PSMA3: variants seen among roughly 807,000 people sequenced by gnomAD.
The protein encoded by PSMA3 is proteasome subunit alpha type-3.
Under a neutral mutation model 40.0 loss-of-function variants are expected in PSMA3, and 8 were observed. That is an observed-to-expected ratio of 0.20 (90% CI 0.12 to 0.36). PSMA3 has a LOEUF of 0.36. Ranked by LOEUF, PSMA3 falls within the 10% of genes least tolerant of loss-of-function variation. The pLI, the probability that PSMA3 is intolerant of heterozygous loss-of-function variation, is 1.00. For synonymous variants in PSMA3, 110 were observed against 100.0 expected (o/e 1.10, Z -0.59); for missense variants, 219 against 310.6 (o/e 0.70, Z 2.22).
Position 58,247,782 on chromosome 14 carries a change from C to G in PSMA3, c.54C>G (p.Asp18Glu). The G allele has an allele frequency of 1.2e-6, 2 of 1,608,818 alleles. No homozygotes were observed. Among genetic ancestry groups the G allele is most frequent in the Non-Finnish European group, 1.7e-6 (2 of 1,175,790 alleles). The change falls in exon 2 of 11, where the codon GAC becomes GAG. Residue 18 changes from aspartate (D) to glutamate (E), a missense_variant. Coordinates refer to ENST00000216455, the MANE Select transcript of PSMA3 (RefSeq NM_002788.4). ...YDLSASTFSP[D>E]GRVFQVEYAM... ...TGTCAGCCTCTACATTCTCTCCTGA[C>G]GGAAGAGTTTTTCAAGTTGAATATG...
intron 8 of PSMA3, chr14:58,269,656 A>AT (rs1386514948): frequency 1.3e-5 from 2 of 151,026 alleles, no homozygotes; most frequent in Non-Finnish European, 3.0e-5. Context: ...ATGGTCTCGA[A>AT]CTCCTGACCT....
chr14:58,271,032 G>T (rs751160687), intron 10 of PSMA3, 34 bp downstream of exon 10: 1 of 1,516,138 alleles, frequency 6.6e-7, no homozygotes, highest in Non-Finnish European at 9.1e-7. Flanking sequence ...TCTTGGCCAG[G>T]TACAGTCAGG....
intron 2 of PSMA3, among the ~76,000 whole-genome samples, chr14:58,251,176 CTA>C (rs1344726194): frequency 9.2e-5 from 14 of 152,292 alleles, no homozygotes; most frequent in African/African-American, 3.4e-4. Context: ...TATTTTGTCT[CTA>C]TTGTTTCCGA....
intron 5 of PSMA3, among the ~76,000 whole-genome samples, chr14:58,260,108 G>A (rs1890239246): frequency 6.6e-6 from 1 of 152,128 alleles, no homozygotes; most frequent in South Asian, 2.1e-4. Context: ...CTACTCTAAG[G>A]CAAATATAGT....
intron 6 of PSMA3, among the ~76,000 whole-genome samples, 186 bp downstream of exon 6, chr14:58,261,206 A>G (rs1174956884): frequency 6.7e-6 from 1 of 148,818 alleles, no homozygotes; most frequent in East Asian, 1.9e-4. Flanking sequence ...TTTTGGGGGA[A>G]CAGGGTCTCA....
intron 8 of PSMA3, among the ~76,000 whole-genome samples, chr14:58,269,353 A>C (rs972684080): frequency 3.3e-5 from 5 of 152,202 alleles, no homozygotes; most frequent in African/African-American, 1.2e-4. Context: ...TATAAAATGG[A>C]CAAGGAGCTT....
At position 58,247,823 on chromosome 14, in the gene PSMA3, A is replaced by C; in HGVS notation, c.95A>C (p.Glu32Ala). Residue 32 changes from glutamate (E) to alanine (A), a missense_variant, in exon 2 of 11, where the codon GAA becomes GCA. Transcript: ENST00000216455. The stretch of plus-strand genomic sequence containing the variant: ...GTTGAATATGCTATGAAGGCTGTGG[A>C]AAATAGTAGGTAAGAAACATTTAAC... ...FQVEYAMKAVENSSTAIGIRC... is the reference protein window; with the variant it reads ...FQVEYAMKAVANSSTAIGIRC... 6.3e-7 allele frequency: 1 copy of C among 1,590,182 alleles called. No homozygotes were observed. Among genetic ancestry groups the C allele is most frequent in the Non-Finnish European group, 8.6e-7 (1 of 1,160,550 alleles).
chr14:58,257,623 CA>C, intron 3 of PSMA3, 121 bp from the exon 4 acceptor site: 2 of 826,574 alleles, frequency 2.4e-6, no homozygotes, highest in Admixed American at 2.7e-5. Flanking sequence ...ACCTTTAAGC[CA>C]AAAAAGTTTA....
intron 8 of PSMA3, chr14:58,269,453 AAC>A (rs1182953158): frequency 6.6e-6 from 1 of 151,060 alleles, no homozygotes; most frequent in Non-Finnish European, 1.5e-5. Flanking sequence ...ATTTTTTTGA[AAC>A]AGAGTCTCAC....
intron 1 of PSMA3, among the ~76,000 whole-genome samples, chr14:58,246,414 G>GT (rs757591397): frequency 4.0e-5 from 6 of 151,806 alleles, no homozygotes; most frequent in Admixed American, 1.3e-4. Context: ...TTTTTATTTT[G>GT]TTTGAGACGG....
chr14:58,261,179 A>T (rs1276055793), intron 6 of PSMA3, among the ~76,000 whole-genome samples, 159 bp downstream of exon 6: 4 of 142,448 alleles, frequency 2.8e-5, no homozygotes, highest in South Asian at 2.2e-4. Flanking sequence ...GTCCAACAGA[A>T]TTTTTTTTTT....
Position 58,260,971 on chromosome 14 carries a change from T to G in PSMA3, c.428T>G (p.Val143Gly). 1 of 1,612,852 alleles carries G rather than the reference T, an allele frequency of 6.2e-7. No individual in the cohort carries two copies. The highest frequency in any genetic ancestry group is 1.1e-5 in the South Asian group (1 of 90,960). Residue 143 changes from valine to glycine, a missense_variant, in exon 6 of 11, where the codon GTG becomes GGG. Val to Gly is a moderately radical substitution (Grantham distance 109, BLOSUM62 -3). Transcript: ENST00000216455. ...GCSFMLGSYS[V>G]NDGAQLYMID... ...AGTTTCATGTTAGGGTCTTACAGTG[T>G]GAATGACGGTGCGCAACTCTACATG...
At chr14:58,259,907 A>G (rs1039883344) in intron 5 of PSMA3, among the ~76,000 whole-genome samples, 4 of 152,210 alleles carry the variant, frequency 2.6e-5, no homozygotes, top group Non-Finnish European at 5.9e-5. Context: ...GTCATATAAA[A>G]GTCTGTGCTC....
intron 5 of PSMA3, among the ~76,000 whole-genome samples, chr14:58,260,408 C>T (rs1212245380): frequency 1.3e-5 from 2 of 152,186 alleles, no homozygotes; most frequent in Admixed American, 1.3e-4. Flanking sequence ...ATGCAGAACT[C>T]ATGGAAACAG....
chr14:58,257,497 CAA>C (rs1188889919), intron 3 of PSMA3, among the ~76,000 whole-genome samples: 1 of 129,186 alleles, frequency 7.7e-6, no homozygotes. Context: ...GACCCCGTAT[CAA>C]AAAAAAAAAA....
At position 58,271,992 on chromosome 14, in the gene PSMA3, T is replaced by A; in HGVS notation, c.*97T>A. On this transcript the variant is annotated 3_prime_UTR_variant, in exon 11 of 11. Coordinates refer to ENST00000216455, the MANE Select transcript of PSMA3 (RefSeq NM_002788.4). Reference sequence around the variant, plus strand: ...ACATACTGTCCAATTTTCATTAAATTTTTGTCTTATAACTATTGAAGTTTG... The same window carrying A: ...ACATACTGTCCAATTTTCATTAAATATTTGTCTTATAACTATTGAAGTTTG... The A allele has an allele frequency of 1.1e-6, 1 of 934,980 alleles. No homozygotes were observed. Among genetic ancestry groups the A allele is most frequent in the Non-Finnish European group, 1.6e-6 (1 of 611,214 alleles). The allele number at this position is 934,980 out of a possible 1,614,324, so 57.9% of individuals were successfully genotyped here. A position where few individuals can be genotyped will look rare whatever the true frequency, so the allele number is the denominator to read the frequency against.
chr14:58,269,407 A>T (rs192184190), intron 8 of PSMA3, among the ~76,000 whole-genome samples: 101 of 152,166 alleles, frequency 6.6e-4, no homozygotes, highest in Admixed American at 1.1e-3. Flanking sequence ...GAGACCACTA[A>T]TAATTGCAAG....
At position 58,267,524 on chromosome 14, in the gene PSMA3, A is replaced by T. The variant is rs2140096170; in HGVS notation, c.590+4A>T. The T allele has an allele frequency of 6.3e-7, 1 of 1,575,722 alleles. No individual in the cohort carries two copies. Among genetic ancestry groups the T allele is most frequent in the Middle Eastern group, 1.7e-4 (1 of 5,938 alleles). On this transcript the variant is annotated splice_donor_region_variant and intron_variant, in intron 8 of 10. Coordinates refer to ENST00000216455, the MANE Select transcript of PSMA3 (RefSeq NM_002788.4). ...TCGTTAAAGAAGTTGCAAAAATGTA[A>T]GTTGAAATTTTTCTTACCATCCACA...
intron 7 of PSMA3, chr14:58,265,235 C>A (rs1157195899): frequency 6.6e-6 from 1 of 152,044 alleles, no homozygotes; most frequent in African/African-American, 2.4e-5. Context: ...TGCACTCCAG[C>A]CAGGGCAACA....
Sources: allele counts gnomAD v4.1 joint callset (sites outside exome capture counted in the v4.1 genomes callset), GRCh38; gene constraint gnomAD v4.1.1; transcripts MANE v1.5; gene names NCBI Gene and HGNC (gene_info 2026-07-23, HGNC 2026-07-21).